ZNHIT3: variants seen among roughly 807,000 people sequenced by gnomAD.
The protein encoded by ZNHIT3 is zinc finger HIT-type containing 3, also known as zinc finger HIT domain-containing protein 3.
In ZNHIT3, 27 loss-of-function variants were observed where a neutral mutation model predicts 19.9. The ratio of observed to expected loss-of-function variants is 1.36; its 90% CI spans 1.00 to 1.87. The LOEUF (loss-of-function observed/expected upper bound fraction) is 1.87, where lower values mean the gene tolerates loss of function less well. Ranked by LOEUF, ZNHIT3 falls within the 40% of genes most tolerant of loss-of-function variation. The pLI, the probability that ZNHIT3 is intolerant of heterozygous loss-of-function variation, is 0.00. For missense variants in ZNHIT3, 215 were observed against 185.6 expected (o/e 1.16, Z -0.92); for synonymous variants, 81 against 65.7 (o/e 1.23, Z -1.13).
chr17:36,492,837 C>G lies in ZNHIT3; in HGVS notation c.143C>G (p.Pro48Arg), dbSNP rs1190449070. Residue 48 changes from proline to arginine, a missense_variant, in exon 3 of 5, where the codon CCT (proline) becomes CGT (arginine). Coordinates refer to ENST00000617429, the MANE Select transcript of ZNHIT3 (RefSeq NM_004773.4). The part of the protein sequence containing the change: ...HKEQCNPETR[P>R]VEKKIRSALP... The stretch of plus-strand genomic sequence containing the variant: ...GAACAGTGCAACCCTGAAACTCGTC[C>G]TGTTGAGAAAAAAATAAGATCAGCT... 1.2e-6 allele frequency: 2 copies of G among 1,614,016 alleles called. No individual in the cohort carries two copies. Among genetic ancestry groups the G allele is most frequent in the African/African-American group, 2.7e-5 (2 of 74,906 alleles).
intron 2 of ZNHIT3, among the ~76,000 whole-genome samples, chr17:36,488,091 CT>C (rs1175394640): frequency 7.4e-5 from 7 of 95,174 alleles, no homozygotes; most frequent in Non-Finnish European, 7.7e-5. Context: ...GCAAGACTGT[CT>C]CAAAAAAAAA....
intron 2 of ZNHIT3, 63 bp from the exon 3 acceptor site, chr17:36,492,750 G>T: frequency 6.9e-7 from 1 of 1,450,474 alleles, no homozygotes; most frequent in Non-Finnish European, 9.6e-7. Flanking sequence ...TACCTTGGTA[G>T]GGAGGTGCAG....
downstream of ZNHIT3, chr17:36,496,033 AACT>A: frequency 1.3e-6 from 1 of 782,914 alleles, no homozygotes; most frequent in Non-Finnish European, 1.9e-6. Context: ...CTGATTTGGT[AACT>A]ACCAGCCCTG....
At chr17:36,489,447 C>G (rs902547762) in intron 2 of ZNHIT3, 1 of 152,112 alleles carries the variant, frequency 6.6e-6, no homozygotes, top group Non-Finnish European at 1.5e-5. Context: ...TTCTCCACAT[C>G]CTTGCCAACA....
At chr17:36,488,762 G>A (rs896914112) in intron 2 of ZNHIT3, among the ~76,000 whole-genome samples, 21 of 152,154 alleles carry the variant, frequency 1.4e-4, no homozygotes, top group African/African-American at 5.1e-4. Flanking sequence ...TGTATACAAT[G>A]TTTAAGGATC....
chr17:36,490,031 C>T (rs948042522), intron 2 of ZNHIT3: 1 of 151,308 alleles, frequency 6.6e-6, no homozygotes, highest in Non-Finnish European at 1.5e-5. Context: ...TTCTCCCATC[C>T]TGTGGGTTGT....
downstream of ZNHIT3, chr17:36,496,480 G>A: frequency 2.0e-6 from 3 of 1,475,958 alleles, no homozygotes; most frequent in Non-Finnish European, 2.8e-6. Flanking sequence ...CCACAGAGCA[G>A]ACGCTAAAAA....
downstream of ZNHIT3, chr17:36,499,122 G>C: frequency 5.0e-6 from 8 of 1,610,204 alleles, no homozygotes; most frequent in South Asian, 7.8e-5. Context: ...GCTGCATGCA[G>C]CCTCTGGATG....
downstream of ZNHIT3, chr17:36,496,148 A>G: frequency 1.4e-6 from 2 of 1,460,136 alleles, no homozygotes; most frequent in Non-Finnish European, 1.9e-6. Flanking sequence ...GTTCATGTGC[A>G]TTTGGAGCAC....
At chr17:36,488,192 G>A (rs2070630221) in intron 2 of ZNHIT3, among the ~76,000 whole-genome samples, 1 of 150,340 alleles carries the variant, frequency 6.7e-6, no homozygotes, top group Non-Finnish European at 1.5e-5. Context: ...TAGAATCTCA[G>A]CAATGAGACT....
At chr17:36,489,638 T>C (rs1279050261) in intron 2 of ZNHIT3, 2 of 152,064 alleles carry the variant, frequency 1.3e-5, no homozygotes, top group Non-Finnish European at 2.9e-5. Flanking sequence ...TTTTTTTTTT[T>C]TCTTTTTGAG....
chr17:36,487,740 G>A (rs1053209202), intron 2 of ZNHIT3, among the ~76,000 whole-genome samples: 3 of 151,168 alleles, frequency 2.0e-5, no homozygotes, highest in East Asian at 1.9e-4. Flanking sequence ...GTAGTGAGCC[G>A]AAATCGCACC....
chr17:36,495,291 C>T lies in ZNHIT3; in HGVS notation c.355C>T (p.Gln119Ter). 6.2e-7 allele frequency: 1 copy of T among 1,613,646 alleles called. No homozygotes were observed. Among genetic ancestry groups the T allele is most frequent in the Admixed American group, 1.7e-5 (1 of 59,814 alleles). Reference sequence around the variant, plus strand: ...CAGGCAGTTGATGGTCAACCTCGATCAGGGAGAAGACAAAGCAAAGCTCAT... The same window carrying T: ...CAGGCAGTTGATGGTCAACCTCGATTAGGGAGAAGACAAAGCAAAGCTCAT... ...HLRQLMVNLD[Q>*]GEDKAKLMRA... Residue 119 changes from glutamine (Q) to a stop codon, truncating the protein, a stop_gained, in exon 5 of 5, where the codon CAG becomes TAG. Transcript: ENST00000617429. LOFTEE classifies it high-confidence loss of function.
At chr17:36,491,425 G>T in intron 2 of ZNHIT3, 1 of 152,286 alleles carries the variant, frequency 6.6e-6, no homozygotes. Context: ...TTGGCCTCCT[G>T]GGCCCAAGTG....
chr17:36,488,093 C>CAAA (rs369196891), intron 2 of ZNHIT3, among the ~76,000 whole-genome samples: 6 of 84,998 alleles, frequency 7.1e-5, no homozygotes, highest in Non-Finnish European at 9.8e-5. Flanking sequence ...AAGACTGTCT[C>CAAA]AAAAAAAAAA....
rs185942573 is a variant in ZNHIT3 at position 36,493,810 on chromosome 17, C to T, written c.206-116C>T. On this transcript the variant is annotated intron_variant, in intron 3 of 4. Transcript: ENST00000617429. The stretch of plus-strand genomic sequence containing the variant: ...TTTTTGTCTGTACCTGCTTGAATAC[C>T]CCTATCACTATCACATGTGCGTGCA... 1.2e-3 allele frequency: 859 copies of T among 719,226 alleles called. 2 individuals carry two copies. The highest frequency in any genetic ancestry group is 2.7e-3 in the East Asian group (108 of 40,128). 44.6% of individuals were successfully genotyped at this position (719,226 alleles called of 1,614,324 possible).
intron 2 of ZNHIT3, chr17:36,489,495 G>A (rs780123302): frequency 6.6e-6 from 1 of 152,062 alleles, no homozygotes; most frequent in Non-Finnish European, 1.5e-5. Flanking sequence ...TCTTACTGTG[G>A]TGAGATGATA....
chr17:36,498,184 T>C, downstream of ZNHIT3: 1 of 1,485,396 alleles, frequency 6.7e-7, no homozygotes, highest in East Asian at 2.3e-5. Context: ...CCAGCCTCAG[T>C]CTCATTCCCG....
chr17:36,492,466 T>C (rs891898800), intron 2 of ZNHIT3: 5 of 244,908 alleles, frequency 2.0e-5, no homozygotes, highest in African/African-American at 1.1e-4. Flanking sequence ...CTCTGTAAGT[T>C]CTTTGGTGGT....
Sources: gnomAD v4.1 joint callset for allele counts (sites outside exome capture counted in the v4.1 genomes callset) on GRCh38, gnomAD v4.1.1 for gene constraint, MANE v1.5 for transcripts, NCBI Gene and HGNC (gene_info 2026-07-23, HGNC 2026-07-21) for gene names.